PCDHGB3: variants seen among roughly 807,000 people sequenced by gnomAD.
PCDHGB3 encodes the protein protocadherin gamma subfamily B, 3.
In PCDHGB3, 40 loss-of-function variants were observed where a neutral mutation model predicts 59.2. The ratio of observed to expected loss-of-function variants is 0.68; its 90% CI spans 0.52 to 0.88. PCDHGB3 has a LOEUF of 0.88. PCDHGB3 is among the 40% of genes least tolerant of loss of function. PCDHGB3 has a pLI of 0.00. For missense variants in PCDHGB3, 1,309 were observed against 1,187.9 expected (o/e 1.10, Z -1.50); for synonymous variants, 581 against 503.6 (o/e 1.15, Z -2.06).
chr5:141,486,498 T>C lies in PCDHGB3; in HGVS notation c.2416-8309T>C, dbSNP rs755907391. On this transcript the variant is annotated intron_variant, in intron 1 of 3. Coordinates refer to ENST00000576222, the MANE Select transcript of PCDHGB3 (RefSeq NM_018924.5). The surrounding 1 kb of genome is among the most constrained non-coding windows in gnomAD (Gnocchi z 5.0). The stretch of plus-strand genomic sequence containing the variant: ...CCTCTCAGTACCCACAGAACTATTT[T>C]CCTCAATATTTCAGATGTGAATGAT... 6.2e-7 allele frequency: 1 copy of C among 1,614,030 alleles called. No individual in the cohort carries two copies. The highest frequency in any genetic ancestry group is 8.5e-7 in the Non-Finnish European group (1 of 1,179,874).
rs1168799961 is a variant in PCDHGB3, at chr5:141,487,844, A to G, written c.2416-6963A>G. ...CGGGTCATGCCTATATCTGAGTAAG[A>G]AATGAAAGTAATTGGTGATCAAGAG... On this transcript the variant is annotated intron_variant, in intron 1 of 3. Coordinates refer to ENST00000576222, the MANE Select transcript of PCDHGB3 (RefSeq NM_018924.5). The surrounding 1 kb of genome is among the most constrained non-coding windows in gnomAD (Gnocchi z 5.0). 2 of 1,043,076 alleles carry G rather than the reference A, an allele frequency of 1.9e-6. No homozygotes were observed. Among genetic ancestry groups the G allele is most frequent in the Non-Finnish European group, 2.7e-6 (2 of 730,916 alleles). The allele number at this position is 1,043,076 out of a possible 1,614,324, so 64.6% of individuals were successfully genotyped here.
intron 1 of PCDHGB3, 26 bp downstream of exon 1, chr5:141,372,835 C>T (rs894902171): frequency 1.3e-6 from 2 of 1,535,142 alleles, no homozygotes; most frequent in Non-Finnish European, 1.8e-6. Context: ...CCTTTCCTTC[C>T]ATAAATATAA....
At position 141,431,134 on chromosome 5, in the gene PCDHGB3, C is replaced by T; in HGVS notation, c.2415+58325C>T. 1 of 1,614,212 alleles carries T rather than the reference C, an allele frequency of 6.2e-7. No homozygotes were observed. The highest frequency in any genetic ancestry group is 2.2e-5 in the East Asian group (1 of 44,890). On this transcript the variant is annotated intron_variant, in intron 1 of 3. Coordinates refer to ENST00000576222, the MANE Select transcript of PCDHGB3 (RefSeq NM_018924.5). This position sits in a 1 kb window ranked among gnomAD's most constrained non-coding sequence, Gnocchi z 4.8. ...ATGGAGTAGAAGTAGAAGTAAGGGA[C>T]ATTAACGACAATGCGCCTTACTTTC...
intron 1 of PCDHGB3, among the ~76,000 whole-genome samples, chr5:141,473,185 G>A (rs1171761852): frequency 1.3e-5 from 2 of 152,188 alleles, no homozygotes; most frequent in Non-Finnish European, 2.9e-5. Flanking sequence ...ACTTGAAGGA[G>A]TAAATGTATC....
chr5:141,494,021 G>C (rs1036188621), intron 1 of PCDHGB3, among the ~76,000 whole-genome samples: 2 of 152,158 alleles, frequency 1.3e-5, no homozygotes, highest in African/African-American at 2.4e-5. Context: ...CCCCTTGGGA[G>C]CCCTGGAGAC....
Position 141,383,260 on chromosome 5 carries a change from G to C in PCDHGB3, c.2415+10451G>C, listed in dbSNP as rs375487349. On this transcript the variant is annotated intron_variant, in intron 1 of 3. Coordinates refer to ENST00000576222, the MANE Select transcript of PCDHGB3 (RefSeq NM_018924.5). ...TAAAATGAATCTTTACCCTATAGAC[G>C]TGGAAATAATAGATATTAATGACAA... 3.7e-6 allele frequency: 6 copies of C among 1,613,782 alleles called. No homozygotes were observed. The African/African-American group carries it at 6.7e-5, about 18-fold the overall frequency.
intron 1 of PCDHGB3, chr5:141,413,476 G>A: frequency 6.2e-7 from 1 of 1,614,122 alleles, no homozygotes; most frequent in Non-Finnish European, 8.5e-7. Context: ...GGAGCTCTGC[G>A]CTCAGAGCGC....
intron 1 of PCDHGB3, chr5:141,383,303 C>A (rs1445366017): frequency 5.0e-6 from 8 of 1,613,892 alleles, no homozygotes; most frequent in Non-Finnish European, 6.8e-6. Flanking sequence ...AGATTCTTGA[C>A]GGAAGAAATA....
At chr5:141,458,870 C>G (rs540373442) in intron 1 of PCDHGB3, among the ~76,000 whole-genome samples, 1 of 152,264 alleles carries the variant, frequency 6.6e-6, no homozygotes, top group South Asian at 2.1e-4. Flanking sequence ...GTAGCTGGGA[C>G]TACAGGCATG....
Position 141,403,961 on chromosome 5 carries a change from G to A in PCDHGB3, c.2415+31152G>A, listed in dbSNP as rs763967342. 8.1e-6 allele frequency: 13 copies of A among 1,613,892 alleles called. No individual in the cohort carries two copies. Among genetic ancestry groups the A allele is most frequent in the Non-Finnish European group, 1.1e-5 (13 of 1,179,856 alleles). On this transcript the variant is annotated intron_variant, in intron 1 of 3. Transcript: ENST00000576222. ...AGGGTGGACAAAAGTGCTCATTTCG[G>A]TGGAAGATGTAAATGACAATAGACC...
chr5:141,501,328 CACACA>C (rs1562200832), intron 2 of PCDHGB3, among the ~76,000 whole-genome samples: 17 of 151,710 alleles, frequency 1.1e-4, no homozygotes, highest in African/African-American at 1.9e-4. Context: ...CACACACACA[CACACA>C]CCCCAAACTC....
chr5:141,428,376 A>G (rs2097136159), intron 1 of PCDHGB3: 2 of 528,068 alleles, frequency 3.8e-6, no homozygotes, highest in African/African-American at 1.9e-5. Flanking sequence ...TGCACCTGCG[A>G]TGCTCTTCCA....
In PCDHGB3 at chr5:141,371,090, C is replaced by G. The variant is rs764906419; in HGVS notation, c.696C>G (p.Val232=). The G allele has an allele frequency of 5.0e-6, 8 of 1,613,702 alleles. No homozygotes were observed. The East Asian group carries it at 1.8e-4, about 36-fold the overall frequency. The change falls in exon 1 of 4, where the codon GTC becomes GTG. Residue 232 remains valine (V), a synonymous_variant. Transcript: ENST00000576222. ...GTACCACCCAGATCAGGGTAATTGT[C>G]GCAGATGCAAATGATAACCCCCCAG... ...RSCTTQIRVI[V]ADANDNPPVF...
chr5:141,454,779 A>G (rs1387404898), intron 1 of PCDHGB3, among the ~76,000 whole-genome samples: 2 of 146,092 alleles, frequency 1.4e-5, no homozygotes, highest in African/African-American at 2.6e-5. Context: ...ACAAGGAAAT[A>G]ATCCTCCATG....
intron 2 of PCDHGB3, among the ~76,000 whole-genome samples, chr5:141,497,501 C>T (rs1268186916): frequency 6.6e-6 from 1 of 151,182 alleles, no homozygotes; most frequent in Non-Finnish European, 1.5e-5. Flanking sequence ...TCTCTCCTCT[C>T]TCTGCTTCCT....
Position 141,398,413 on chromosome 5 carries a change from T to C in PCDHGB3, c.2415+25604T>C, listed in dbSNP as rs774602022. On this transcript the variant is annotated intron_variant, in intron 1 of 3. Transcript: ENST00000576222. ...CAGCAGGCTAGACAGGGAGGAGATA[T>C]GCGGGAAGAAGCCAGCTTGTGCTCT... 7.0e-5 allele frequency: 104 copies of C among 1,490,692 alleles called. 1 individual carries two copies. Among genetic ancestry groups the C allele is most frequent in the Middle Eastern group, 6.1e-4 (3 of 4,950 alleles). The allele number at this position is 1,490,692 out of a possible 1,614,324, so 92.3% of individuals were successfully genotyped here.
intron 1 of PCDHGB3, chr5:141,399,009 C>T (rs759328384): frequency 8.1e-6 from 13 of 1,613,694 alleles, no homozygotes; most frequent in African/African-American, 1.3e-5. Context: ...ATTCAAAGAG[C>T]GGAGAAATTA....
Position 141,489,515 on chromosome 5 carries a change from G to C in PCDHGB3, c.2416-5292G>C, listed in dbSNP as rs983415025. On this transcript the variant is annotated intron_variant, in intron 1 of 3. Coordinates refer to ENST00000576222, the MANE Select transcript of PCDHGB3 (RefSeq NM_018924.5). The surrounding 1 kb of genome is among the most constrained non-coding windows in gnomAD (Gnocchi z 4.5). ...CTGGCAGTGAATCAAAAGATTGACC[G>C]AGAAAGCCTATGTGGAGCCAGCACC... 1 of 1,614,104 alleles carries C rather than the reference G, an allele frequency of 6.2e-7. No individual in the cohort carries two copies. The highest frequency in any genetic ancestry group is 8.5e-7 in the Non-Finnish European group (1 of 1,180,034).
chr5:141,499,104 C>A (rs2099789508), intron 2 of PCDHGB3, among the ~76,000 whole-genome samples: 1 of 152,120 alleles, frequency 6.6e-6, no homozygotes, highest in African/African-American at 2.4e-5. Flanking sequence ...CTTCTCCTCC[C>A]CACCACTATC....
Sources: gnomAD v4.1 joint callset for allele counts (sites outside exome capture counted in the v4.1 genomes callset) on GRCh38, gnomAD v4.1.1 for gene constraint, Gnocchi (gnomAD v3.1) non-coding constraint, MANE v1.5 for transcripts, NCBI Gene and HGNC (gene_info 2026-07-23, HGNC 2026-07-21) for gene names.